CCDC171: variants seen among roughly 807,000 people sequenced by gnomAD.
CCDC171 encodes coiled-coil domain-containing protein 171.
Under a neutral mutation model 168.2 loss-of-function variants are expected in CCDC171, and 177 were observed. The observed-to-expected ratio is 1.05, with a 90% confidence interval of 0.93 to 1.19. The LOEUF (loss-of-function observed/expected upper bound fraction) is 1.19, where lower values mean the gene tolerates loss of function less well. CCDC171 is among the 50% of genes most tolerant of loss of function. The pLI is 0.00. For missense variants in CCDC171, 1,991 were observed against 1,539.0 expected (o/e 1.29, Z -4.91); for synonymous variants, 687 against 540.8 (o/e 1.27, Z -3.75).
At chr9:15,799,637 A>C (rs1230529573) in intron 21 of CCDC171, among the ~76,000 whole-genome samples, 1 of 151,968 alleles carries the variant, frequency 6.6e-6, no homozygotes, top group Non-Finnish European at 1.5e-5. Flanking sequence ...ATACTCTTTC[A>C]GTTATTTTTA....
intron 1 of CCDC171, among the ~76,000 whole-genome samples, chr9:16,053,899 G>T (rs772797527): frequency 2.0e-5 from 3 of 152,232 alleles, no homozygotes; most frequent in Non-Finnish European, 4.4e-5. Context: ...CATGCTGCCT[G>T]TCACCTCAGT....
At chr9:15,835,489 G>T (rs780155988) in intron 21 of CCDC171, among the ~76,000 whole-genome samples, 3 of 152,142 alleles carry the variant, frequency 2.0e-5, no homozygotes, top group Non-Finnish European at 4.4e-5. Flanking sequence ...GTACAATGGC[G>T]TGATCTCGGC....
At chr9:15,911,213 T>G (rs1823582187) in intron 24 of CCDC171, among the ~76,000 whole-genome samples, 1 of 152,234 alleles carries the variant, frequency 6.6e-6, no homozygotes, top group Non-Finnish European at 1.5e-5. Flanking sequence ...ATGTGTTGTT[T>G]CCTGACTTTT....
intron 7 of CCDC171, among the ~76,000 whole-genome samples, chr9:15,631,449 A>G (rs1160318641): frequency 6.6e-6 from 1 of 152,204 alleles, no homozygotes; most frequent in South Asian, 2.1e-4. Flanking sequence ...TTGGACACAT[A>G]CACCCACCCA....
At chr9:15,723,149 A>T (rs1267531578) in intron 12 of CCDC171, among the ~76,000 whole-genome samples, 1 of 152,192 alleles carries the variant, frequency 6.6e-6, no homozygotes, top group African/African-American at 2.4e-5. Context: ...TGAACTGTCA[A>T]AGAAAATAAA....
chr9:16,026,361 G>A (rs1389257365), intron 6 of CCDC171, among the ~76,000 whole-genome samples: 2 of 152,156 alleles, frequency 1.3e-5, no homozygotes, highest in Non-Finnish European at 2.9e-5. Flanking sequence ...TGTGAATCCA[G>A]ACTACCCCTC....
intron 21 of CCDC171, among the ~76,000 whole-genome samples, chr9:15,845,142 T>C (rs560283415): frequency 6.6e-6 from 1 of 152,256 alleles, no homozygotes; most frequent in African/African-American, 2.4e-5. Context: ...AAAAGGATTT[T>C]ACTTTTTTAA....
intron 24 of CCDC171, among the ~76,000 whole-genome samples, chr9:15,882,353 T>C (rs1051500265): frequency 1.3e-5 from 2 of 152,244 alleles, no homozygotes; most frequent in Non-Finnish European, 2.9e-5. Context: ...CCTTGTCAGA[T>C]GGACGATTTG....
intron 25 of CCDC171, among the ~76,000 whole-genome samples, chr9:15,929,100 C>A (rs1826214092): frequency 6.6e-6 from 1 of 151,114 alleles, no homozygotes; most frequent in Non-Finnish European, 1.5e-5. Flanking sequence ...TCAGTATAAA[C>A]ATTAATATAT....
intron 1 of CCDC171, among the ~76,000 whole-genome samples, chr9:16,047,640 A>G (rs1833682022): frequency 6.6e-6 from 1 of 152,214 alleles, no homozygotes; most frequent in South Asian, 2.1e-4. Flanking sequence ...TTAGCCAGAC[A>G]CACAAAGTCC....
chr9:15,610,444 T>TAAAAAAAAAAAAAAAAAAAA (rs754593075), intron 6 of CCDC171, among the ~76,000 whole-genome samples: 1 of 12,724 alleles, frequency 7.9e-5, no homozygotes, highest in East Asian at 1.8e-3. Context: ...CCATCTCAAC[T>TAAAAAAAAAAAAAAAAAAAA]AAAAAAAAAA....
intron 21 of CCDC171, among the ~76,000 whole-genome samples, chr9:15,795,992 TA>T (rs1474554987): frequency 1.3e-5 from 2 of 152,180 alleles, no homozygotes; most frequent in South Asian, 2.1e-4. Context: ...AAGACTTTTA[TA>T]AAAAAATTCA....
chr9:16,074,119 C>G, the CCDC171 span, among the ~76,000 whole-genome samples: 1 of 152,132 alleles, frequency 6.6e-6, no homozygotes, highest in African/African-American at 2.4e-5. Context: ...AACTTTCAAT[C>G]AATCCCTTTA....
chr9:15,576,716 C>T (rs1187203030), intron 3 of CCDC171, among the ~76,000 whole-genome samples: 6 of 152,202 alleles, frequency 3.9e-5, no homozygotes, highest in South Asian at 2.1e-4. Context: ...ACGATATCCA[C>T]GTCGATCTTG....
intron 3 of CCDC171, among the ~76,000 whole-genome samples, chr9:15,980,742 G>T (rs1032866773): frequency 1.6e-4 from 23 of 141,726 alleles, no homozygotes; most frequent in South Asian, 1.4e-3. Context: ...TGCTCATTTG[G>T]TTTTTTTTTT....
intron 22 of CCDC171, 48 bp from the exon 23 acceptor site, chr9:15,848,845 G>A (rs745959308): frequency 1.1e-5 from 11 of 1,015,936 alleles, no homozygotes; most frequent in East Asian, 2.5e-5. Flanking sequence ...TGTAACAGTT[G>A]TAGTAAGGTT....
intron 1 of CCDC171, among the ~76,000 whole-genome samples, chr9:15,554,427 A>G (rs771045310): frequency 1.3e-5 from 2 of 152,166 alleles, no homozygotes; most frequent in African/African-American, 4.8e-5. Context: ...AGGCAGTGCA[A>G]CCTGCTAAGA....
intron 21 of CCDC171, among the ~76,000 whole-genome samples, chr9:15,829,515 A>G (rs1345244375): frequency 6.6e-6 from 1 of 152,224 alleles, no homozygotes; most frequent in Non-Finnish European, 1.5e-5. Context: ...TTTTGTGTCT[A>G]AAGCATCTAA....
the CCDC171 span, among the ~76,000 whole-genome samples, chr9:16,089,016 T>G: frequency 6.6e-6 from 1 of 152,038 alleles, no homozygotes; most frequent in African/African-American, 2.4e-5. Context: ...AACAGATATA[T>G]AGACCAATGG....
Sources: gnomAD v4.1 joint callset for allele counts (sites outside exome capture counted in the v4.1 genomes callset) on GRCh38, gnomAD v4.1.1 for gene constraint, MANE v1.5 for transcripts, NCBI Gene and HGNC (gene_info 2026-07-23, HGNC 2026-07-21) for gene names.